The following FRMD3 variants were observed in gnomAD, a reference collection of about 807,000 sequenced individuals.
FRMD3 encodes FERM domain-containing protein 3.
Under a neutral mutation model 70.2 loss-of-function variants are expected in FRMD3, and 33 were observed. The ratio of observed to expected loss-of-function variants is 0.47; its 90% CI spans 0.36 to 0.63. The LOEUF is 0.63. Ranked by LOEUF, FRMD3 falls within the 20% of genes least tolerant of loss-of-function variation. The probability of loss-of-function intolerance (pLI) is 0.00; values close to 1 mark genes in which losing one functional copy is unlikely to be tolerated. For missense variants in FRMD3, 632 were observed against 711.4 expected (o/e 0.89, Z 1.27); for synonymous variants, 279 against 255.9 (o/e 1.09, Z -0.86).
intron 13 of FRMD3, among the ~76,000 whole-genome samples, chr9:83,263,269 A>G (rs541936930): frequency 2.0e-5 from 3 of 152,328 alleles, no homozygotes; most frequent in African/African-American, 7.2e-5. Context: ...TATTATTTAA[A>G]CCAGTGCTAA....
At chr9:83,264,983 G>A (rs1357316772) in intron 13 of FRMD3, among the ~76,000 whole-genome samples, 2 of 152,116 alleles carry the variant, frequency 1.3e-5, no homozygotes, top group African/African-American at 2.4e-5. Flanking sequence ...CATTAATTAT[G>A]AAGAATAAAA....
At chr9:83,323,440 T>C (rs1361630510) in intron 6 of FRMD3, among the ~76,000 whole-genome samples, 1 of 152,242 alleles carries the variant, frequency 6.6e-6, no homozygotes, top group Non-Finnish European at 1.5e-5. Context: ...AAAACTCATG[T>C]TGAAACTTAA....
intron 1 of FRMD3, among the ~76,000 whole-genome samples, chr9:83,401,114 A>G (rs1291290926): frequency 1.3e-5 from 2 of 152,188 alleles, no homozygotes; most frequent in Non-Finnish European, 2.9e-5. Flanking sequence ...TATTTAGATT[A>G]CCTCAACTAT....
intron 1 of FRMD3, among the ~76,000 whole-genome samples, chr9:83,492,346 A>G (rs752534729): frequency 6.6e-6 from 1 of 151,048 alleles, no homozygotes; most frequent in Non-Finnish European, 1.5e-5. Flanking sequence ...CAAAAACATT[A>G]TGAGCTATTT....
intron 1 of FRMD3, among the ~76,000 whole-genome samples, chr9:83,394,799 C>T (rs1825766893): frequency 6.6e-6 from 1 of 152,162 alleles, no homozygotes; most frequent in South Asian, 2.1e-4. Context: ...CTCTCCTCCC[C>T]ACCCCAAAGT....
chr9:83,244,863 T>C lies in FRMD3; in HGVS notation c.*3055A>G, dbSNP rs1832015009. On this transcript the variant is annotated 3_prime_UTR_variant, in exon 14 of 14. Coordinates refer to ENST00000304195, the MANE Select transcript of FRMD3 (RefSeq NM_174938.6). ...TCCAAATACATAACATTTTACAATA[T>C]TTTTCAAGCACAGACAAATACATAC... The C allele has an allele frequency of 1.0e-5, 10 of 984,420 alleles. No individual in the cohort carries two copies. Among genetic ancestry groups the C allele is most frequent in the Non-Finnish European group, 1.1e-5 (9 of 829,528 alleles). The allele number at this position is 984,420 out of a possible 1,614,324, so 61.0% of individuals were successfully genotyped here.
intron 1 of FRMD3, among the ~76,000 whole-genome samples, chr9:83,409,466 G>A (rs1337953817): frequency 1.3e-5 from 2 of 152,146 alleles, no homozygotes; most frequent in African/African-American, 4.8e-5. Context: ...CACTCCATCA[G>A]CACAGGGAAA....
intron 6 of FRMD3, among the ~76,000 whole-genome samples, chr9:83,334,767 A>G (rs907997994): frequency 8.5e-5 from 13 of 152,308 alleles, no homozygotes; most frequent in African/African-American, 3.1e-4. Flanking sequence ...ACCATCACAC[A>G]GGGCATAAAG....
At chr9:83,272,753 G>T (rs1449098025) in intron 13 of FRMD3, among the ~76,000 whole-genome samples, 4 of 148,616 alleles carry the variant, frequency 2.7e-5, no homozygotes, top group Admixed American at 2.7e-4. Flanking sequence ...CTGCCCGGCC[G>T]CCCATCATCT....
At chr9:83,488,742 T>C (rs1828742339) in intron 1 of FRMD3, among the ~76,000 whole-genome samples, 1 of 152,222 alleles carries the variant, frequency 6.6e-6, no homozygotes, top group African/African-American at 2.4e-5. Flanking sequence ...TCCTTCCAAG[T>C]TCCCAGGCCT....
intron 13 of FRMD3, among the ~76,000 whole-genome samples, chr9:83,278,673 T>C (rs73479781): frequency 0.053 from 8,017 of 152,132 alleles, 538 homozygotes; most frequent in African/African-American, 0.16. Flanking sequence ...ATGACCCACG[T>C]GGACTGTCAA....
intron 1 of FRMD3, among the ~76,000 whole-genome samples, chr9:83,536,159 A>T (rs992774286): frequency 3.9e-5 from 6 of 152,248 alleles, no homozygotes; most frequent in African/African-American, 1.4e-4. Context: ...TAATTTTTTA[A>T]AAATCAGTGC....
At chr9:83,462,178 T>C (rs1441099067) in intron 1 of FRMD3, among the ~76,000 whole-genome samples, 1 of 152,232 alleles carries the variant, frequency 6.6e-6, no homozygotes, top group African/African-American at 2.4e-5. Flanking sequence ...ACTTAGCAGA[T>C]AAACTCAGGT....
intron 1 of FRMD3, among the ~76,000 whole-genome samples, chr9:83,503,126 G>A (rs1390448157): frequency 6.6e-6 from 1 of 152,132 alleles, no homozygotes; most frequent in Non-Finnish European, 1.5e-5. Flanking sequence ...CTAACCCCCA[G>A]AACCTATCAA....
the FRMD3 span, among the ~76,000 whole-genome samples, chr9:83,550,071 TTA>T: frequency 6.6e-6 from 1 of 152,202 alleles, no homozygotes; most frequent in East Asian, 1.9e-4. Context: ...TCCAGGATTT[TTA>T]TAGTTTTGGG....
chr9:83,324,025 C>T (rs957657645), intron 6 of FRMD3, among the ~76,000 whole-genome samples: 1 of 152,142 alleles, frequency 6.6e-6, no homozygotes, highest in African/African-American at 2.4e-5. Context: ...ATAGCAAAAA[C>T]CTGGAAGCAA....
intron 1 of FRMD3, among the ~76,000 whole-genome samples, chr9:83,459,181 G>A (rs1252408279): frequency 6.6e-6 from 1 of 152,198 alleles, no homozygotes; most frequent in Non-Finnish European, 1.5e-5. Context: ...AGAATCAATA[G>A]ATTCCATTTG....
chr9:83,468,726 C>G (rs540000190), intron 1 of FRMD3, among the ~76,000 whole-genome samples: 1 of 152,296 alleles, frequency 6.6e-6, no homozygotes, highest in East Asian at 1.9e-4. Context: ...TCCGTGGAAA[C>G]TTTATGGCAA....
Position 83,290,745 on chromosome 9 carries a change from C to A in FRMD3, c.1071-18G>T. ...TGTTGGCTCTGAAAACAGACACAAGCCAGACAGAGTTGGTTTCCATCACAA... is the reference window on the plus strand; with the variant it reads ...TGTTGGCTCTGAAAACAGACACAAGACAGACAGAGTTGGTTTCCATCACAA... On this transcript the variant is annotated intron_variant, in intron 12 of 13. Transcript: ENST00000304195. 1 of 1,592,432 alleles carries A rather than the reference C, an allele frequency of 6.3e-7. No homozygotes were observed.
Sources: gnomAD v4.1 joint callset for allele counts (sites outside exome capture counted in the v4.1 genomes callset) on GRCh38, gnomAD v4.1.1 for gene constraint, MANE v1.5 for transcripts, NCBI Gene and HGNC (gene_info 2026-07-23, HGNC 2026-07-21) for gene names.